Variants in DLG2 observed in about 807,000 individuals in gnomAD.
The protein encoded by DLG2 is disks large homolog 2.
DLG2 carries 45 observed loss-of-function variants against 132.5 expected under a neutral mutation model. The observed-to-expected ratio is 0.34, with a 90% CI of 0.27 to 0.44. DLG2 has a LOEUF of 0.44. DLG2 is among the 20% of genes least tolerant of loss of function. The pLI, the probability that DLG2 is intolerant of heterozygous loss-of-function variation, is 1.00. For missense variants in DLG2, 1,045 were observed against 1,196.9 expected, an observed-to-expected ratio of 0.87 and a Z score of 1.87; for synonymous variants, 424 against 419.6, an observed-to-expected ratio of 1.01 and a Z score of -0.13.
At chr11:83,956,085 A>G (rs1239735695) in intron 14 of DLG2, among the ~76,000 whole-genome samples, 2 of 152,092 alleles carry the variant, frequency 1.3e-5, no homozygotes, top group Admixed American at 6.5e-5. Flanking sequence ...GCGAACCCTG[A>G]CTACAGCCTG....
intron 6 of DLG2, among the ~76,000 whole-genome samples, chr11:84,693,641 T>C (rs566487322): frequency 1.3e-5 from 2 of 151,838 alleles, no homozygotes; most frequent in Admixed American, 6.6e-5. Flanking sequence ...TTTATACGCC[T>C]ACAGGATAAA....
intron 6 of DLG2, among the ~76,000 whole-genome samples, chr11:84,619,330 A>G (rs569522648): frequency 4.6e-5 from 7 of 152,034 alleles, no homozygotes; most frequent in African/African-American, 1.7e-4. Flanking sequence ...CATATATTAT[A>G]TAATACCAAA....
intron 3 of DLG2, among the ~76,000 whole-genome samples, chr11:85,514,182 T>G (rs957234514): frequency 6.6e-6 from 1 of 151,996 alleles, no homozygotes. Flanking sequence ...GCCAGATGCA[T>G]TATAAACACT....
chr11:85,335,652 T>C (rs2082076760), intron 3 of DLG2, among the ~76,000 whole-genome samples: 1 of 152,200 alleles, frequency 6.6e-6, no homozygotes, highest in Non-Finnish European at 1.5e-5. Context: ...GGATTTTATT[T>C]CTCCTTTGCT....
chr11:84,911,185 T>C (rs1027932836), intron 6 of DLG2, among the ~76,000 whole-genome samples: 2 of 152,138 alleles, frequency 1.3e-5, no homozygotes, highest in African/African-American at 4.8e-5. Flanking sequence ...TTTGTTGTTT[T>C]AAGGCATCTT....
At chr11:84,277,248 AT>A (rs1056155513) in intron 7 of DLG2, among the ~76,000 whole-genome samples, 22 of 152,340 alleles carry the variant, frequency 1.4e-4, no homozygotes, top group African/African-American at 5.1e-4. Context: ...TTTATAGAAT[AT>A]TTTACTCCAC....
intron 3 of DLG2, among the ~76,000 whole-genome samples, chr11:85,500,342 G>C (rs1300377585): frequency 2.3e-5 from 3 of 130,114 alleles, no homozygotes; most frequent in Non-Finnish European, 4.6e-5. Context: ...ATTGAACAAT[G>C]AGATCACATG....
chr11:84,913,465 C>G (rs2092255821), intron 6 of DLG2, among the ~76,000 whole-genome samples: 1 of 152,150 alleles, frequency 6.6e-6, no homozygotes, highest in Non-Finnish European at 1.5e-5. Context: ...AAAAACAATG[C>G]TTTCAGTCCC....
chr11:84,926,940 T>C (rs904615414), intron 6 of DLG2, among the ~76,000 whole-genome samples: 3 of 152,048 alleles, frequency 2.0e-5, no homozygotes, highest in Admixed American at 1.3e-4. Flanking sequence ...TTCTAGTGTG[T>C]ATGTATGTTT....
chr11:85,061,859 T>C (rs1236608563), intron 6 of DLG2, among the ~76,000 whole-genome samples: 1 of 151,862 alleles, frequency 6.6e-6, no homozygotes, highest in Non-Finnish European at 1.5e-5. Flanking sequence ...GCTCTCTGAG[T>C]GTTACTGAAG....
rs541931037 is a variant in DLG2 at position 84,431,503 on chromosome 11, A to G, written c.519+103067T>C. On this transcript the variant is annotated intron_variant, in intron 7 of 27. Coordinates refer to ENST00000376104, the MANE Select transcript of DLG2 (RefSeq NM_001142699.3). The stretch of plus-strand genomic sequence containing the variant: ...TCTCTTCTGCAATCTAAATGGTTCC[A>G]GTTTGATTATATCTTTTAATTCATT... Among the ~76,000 whole-genome samples the G allele has an allele frequency of 4.6e-5, 7 of 152,266 alleles. No individual in the cohort carries two copies. In the South Asian group the frequency reaches 1.4e-3, roughly 32 times the overall value.
chr11:83,697,522 G>T (rs2153634757), intron 18 of DLG2, among the ~76,000 whole-genome samples: 1 of 152,286 alleles, frequency 6.6e-6, no homozygotes. Flanking sequence ...TTAAGCCAGA[G>T]TAAGTTCAGT....
intron 3 of DLG2, among the ~76,000 whole-genome samples, chr11:85,423,706 T>A (rs2152998914): frequency 6.6e-6 from 1 of 152,132 alleles, no homozygotes; most frequent in East Asian, 1.9e-4. Context: ...GTCAGGGAAG[T>A]GGGGAAAAGC....
At chr11:85,146,993 G>A (rs1020221233) in intron 5 of DLG2, among the ~76,000 whole-genome samples, 3 of 152,174 alleles carry the variant, frequency 2.0e-5, no homozygotes, top group Non-Finnish European at 4.4e-5. Flanking sequence ...GTATTCTGCT[G>A]TGAGAGGGCA....
intron 3 of DLG2, among the ~76,000 whole-genome samples, chr11:85,582,993 C>T (rs933701401): frequency 7.4e-6 from 1 of 135,300 alleles, no homozygotes; most frequent in African/African-American, 2.7e-5. Flanking sequence ...GTTTTGACAG[C>T]AAACTAGAAA....
intron 6 of DLG2, among the ~76,000 whole-genome samples, chr11:84,790,995 C>T (rs1009838189): frequency 2.0e-5 from 3 of 152,138 alleles, no homozygotes; most frequent in Non-Finnish European, 2.9e-5. Context: ...GACTGGGTAA[C>T]TTATAAGTGA....
intron 8 of DLG2, among the ~76,000 whole-genome samples, chr11:84,163,752 A>AT (rs1451044698): frequency 2.6e-5 from 4 of 152,078 alleles, no homozygotes; most frequent in African/African-American, 9.7e-5. Context: ...TAATTCTGTG[A>AT]TTTTTTTGTA....
intron 3 of DLG2, among the ~76,000 whole-genome samples, chr11:85,495,520 A>T (rs2093650408): frequency 6.6e-6 from 1 of 152,198 alleles, no homozygotes; most frequent in Admixed American, 6.5e-5. Flanking sequence ...CAGCCAACAA[A>T]CATGAAAAAA....
intron 17 of DLG2, among the ~76,000 whole-genome samples, chr11:83,831,735 A>G (rs2054583558): frequency 6.6e-6 from 1 of 152,228 alleles, no homozygotes; most frequent in African/African-American, 2.4e-5. Flanking sequence ...CCATAATATC[A>G]GCCATAAGTA....
Sources: allele counts gnomAD v4.1 joint callset (sites outside exome capture counted in the v4.1 genomes callset), GRCh38; gene constraint gnomAD v4.1.1; transcripts MANE v1.5; gene names NCBI Gene and HGNC (gene_info 2026-07-23, HGNC 2026-07-21).